The following CSMD3 variants were observed in gnomAD, a reference collection of about 807,000 sequenced individuals.
The protein encoded by CSMD3 is CUB and sushi domain-containing protein 3.
A neutral mutation model predicts 435.2 loss-of-function variants in CSMD3; 177 were observed. The ratio of observed to expected loss-of-function variants is 0.41; its 90% CI spans 0.36 to 0.46. CSMD3 has a LOEUF of 0.46. Among genes scored for constraint, CSMD3 ranks in the 20% least tolerant of loss-of-function variants. The probability of loss-of-function intolerance (pLI) is 0.34; values close to 1 mark genes in which losing one functional copy is unlikely to be tolerated. For synonymous variants in CSMD3, 1,656 were observed against 1,520.5 expected, an observed-to-expected ratio of 1.09 and a Z score of -2.07; for missense variants, 4,265 against 4,504.6, an observed-to-expected ratio of 0.95 and a Z score of 1.52.
At chr8:113,268,633 G>A (rs890762447) in intron 3 of CSMD3, among the ~76,000 whole-genome samples, 1 of 151,942 alleles carries the variant, frequency 6.6e-6, no homozygotes, top group African/African-American at 2.4e-5. Context: ...TTAAGAAACA[G>A]GAATATCAAC....
At chr8:112,299,398 G>C (rs1367267040) in intron 53 of CSMD3, among the ~76,000 whole-genome samples, 1 of 152,006 alleles carries the variant, frequency 6.6e-6, no homozygotes, top group African/African-American at 2.4e-5. Context: ...CTGAACTCTA[G>C]CTAATGGTAT....
At position 112,859,159 on chromosome 8, in the gene CSMD3, C is replaced by T. The variant is rs749685097; in HGVS notation, c.1741G>A (p.Val581Met). The T allele has an allele frequency of 6.2e-7, 1 of 1,610,940 alleles. No individual in the cohort carries two copies. Among genetic ancestry groups the T allele is most frequent in the African/African-American group, 1.3e-5 (1 of 74,868 alleles). The change falls in exon 11 of 71, where the codon GTG becomes ATG. Residue 581 changes from valine (V) to methionine (M), a missense_variant. Val to Met is a conservative substitution (Grantham distance 21). Coordinates refer to ENST00000297405, the MANE Select transcript of CSMD3 (RefSeq NM_198123.2). The part of the protein sequence containing the change: ...NAQCVWVITA[V>M]NTNKVIQINF... ...TGTTCTCTTACCTTATTTGTATTCA[C>T]TGCTGTGATGACCCAGACACATTGT...
At chr8:113,162,912 T>G (rs1049995633) in intron 4 of CSMD3, among the ~76,000 whole-genome samples, 4 of 152,158 alleles carry the variant, frequency 2.6e-5, no homozygotes, top group African/African-American at 7.2e-5. Flanking sequence ...GTTAAAATTT[T>G]CAGATGCCTT....
At chr8:112,336,574 A>T in intron 44 of CSMD3, 78 bp downstream of exon 44, 3 of 1,086,234 alleles carry the variant, frequency 2.8e-6, no homozygotes, top group Non-Finnish European at 4.2e-6. Context: ...GTAACAGAGG[A>T]TTGTGATATA....
At chr8:112,383,809 T>G in intron 36 of CSMD3, 146 bp from the exon 37 acceptor site, 1 of 670,962 alleles carries the variant, frequency 1.5e-6, no homozygotes, top group Non-Finnish European at 2.7e-6. Flanking sequence ...ACAGAACTGA[T>G]TTTTTCCATT....
intron 13 of CSMD3, among the ~76,000 whole-genome samples, chr8:112,731,697 T>C (rs1037537215): frequency 6.6e-6 from 1 of 152,080 alleles, no homozygotes; most frequent in African/African-American, 2.4e-5. Flanking sequence ...GATATGTGAT[T>C]TTCCCAGGAG....
At chr8:112,305,421 T>A (rs1821330325) in intron 51 of CSMD3, among the ~76,000 whole-genome samples, 1 of 152,050 alleles carries the variant, frequency 6.6e-6, no homozygotes, top group Non-Finnish European at 1.5e-5. Flanking sequence ...GAAAAAATAA[T>A]CGAAATATAG....
chr8:112,352,611 A>T, intron 38 of CSMD3, 77 bp from the exon 39 acceptor site: 3 of 1,274,454 alleles, frequency 2.4e-6, no homozygotes, highest in Non-Finnish European at 3.4e-6. Flanking sequence ...AAGTTGCTAA[A>T]ATTGAATATC....
intron 10 of CSMD3, among the ~76,000 whole-genome samples, chr8:112,889,087 C>T (rs2081701124): frequency 6.6e-6 from 1 of 151,606 alleles, no homozygotes; most frequent in Non-Finnish European, 1.5e-5. Flanking sequence ...ATATTGTATT[C>T]TCTAATGGGA....
intron 41 of CSMD3, among the ~76,000 whole-genome samples, chr8:112,342,859 C>A (rs529972470): frequency 6.6e-6 from 1 of 150,876 alleles, no homozygotes; most frequent in Admixed American, 6.6e-5. Flanking sequence ...ATGTGAAGAC[C>A]GAAGATATGC....
At chr8:112,880,117 A>G (rs890075019) in intron 10 of CSMD3, among the ~76,000 whole-genome samples, 23 of 152,120 alleles carry the variant, frequency 1.5e-4, no homozygotes, top group African/African-American at 5.6e-4. Context: ...GCTTAAGTTA[A>G]CAATTTAATG....
At chr8:112,695,018 A>G (rs2076221807) in intron 13 of CSMD3, among the ~76,000 whole-genome samples, 1 of 152,036 alleles carries the variant, frequency 6.6e-6, no homozygotes, top group Non-Finnish European at 1.5e-5. Flanking sequence ...AGGAAGCACA[A>G]GGGGTCAGGG....
intron 8 of CSMD3, among the ~76,000 whole-genome samples, chr8:112,952,035 A>C (rs1236033326): frequency 6.6e-6 from 1 of 151,730 alleles, no homozygotes; most frequent in Non-Finnish European, 1.5e-5. Flanking sequence ...ACATTTTAAA[A>C]ATATAAAACC....
intron 5 of CSMD3, among the ~76,000 whole-genome samples, chr8:113,091,791 T>C (rs528330439): frequency 1.3e-5 from 2 of 152,164 alleles, no homozygotes; most frequent in African/African-American, 4.8e-5. Context: ...TTATTTCTGC[T>C]CTTATCTTTA....
chr8:112,306,672 T>G (rs1274524043), intron 50 of CSMD3, among the ~76,000 whole-genome samples: 13 of 152,192 alleles, frequency 8.5e-5, no homozygotes, highest in Non-Finnish European at 1.5e-5. Context: ...ACCTGAAAGC[T>G]GGCTATTTCT....
intron 31 of CSMD3, among the ~76,000 whole-genome samples, chr8:112,476,589 TGG>T (rs1297670386): frequency 1.3e-5 from 2 of 152,140 alleles, no homozygotes; most frequent in African/African-American, 2.4e-5. Context: ...TTCTAAAATG[TGG>T]GGGTTTTTTG....
Position 113,070,875 on chromosome 8 carries a change from C to A in CSMD3, c.917+27881G>T, listed in dbSNP as rs113934840. ...CTGGATCATATAGTAATTCTACTTA[C>A]AATTTTTTGAGGAACCTCCATACTA... is the stretch of plus-strand genomic sequence containing the variant. On this transcript the variant is annotated intron_variant, in intron 5 of 70. Coordinates refer to ENST00000297405, the MANE Select transcript of CSMD3 (RefSeq NM_198123.2). Among the ~76,000 whole-genome samples the A allele has an allele frequency of 1.0e-2, 1,515 of 152,090 alleles. 37 individuals carry two copies. Among genetic ancestry groups the A allele is most frequent in the African/African-American group, 0.035 (1,439 of 41,514 alleles).
In CSMD3 at chr8:112,973,124, G is replaced by T. The variant is rs183367387; in HGVS notation, c.1342+2713C>A. 3.3e-3 allele frequency among the ~76,000 whole-genome samples: 499 copies of T among 152,006 alleles called. 2 individuals carry two copies. The highest frequency in any genetic ancestry group is 0.02 in the Middle Eastern group (6 of 294). ...AAAAAGTCAGATCATGCAGTTTCCC[G>T]TGGGTCATCACCAAGTCTCTGCTTT... On this transcript the variant is annotated intron_variant, in intron 7 of 70. Transcript: ENST00000297405.
Position 112,504,066 on chromosome 8 carries a change from C to A in CSMD3, c.4896-89G>T, listed in dbSNP as rs1822263288. 3.8e-6 allele frequency: 3 copies of A among 798,688 alleles called. No homozygotes were observed. The East Asian group carries it at 8.2e-5, about 22-fold the overall frequency. 49.5% of individuals were successfully genotyped at this position (798,688 alleles called of 1,614,324 possible). On this transcript the variant is annotated intron_variant, in intron 29 of 70. Coordinates refer to ENST00000297405, the MANE Select transcript of CSMD3 (RefSeq NM_198123.2). ...TAACCATAATAGTTATATAATCAAACATTAATTCAGTGCTTAAAAATAATA... is the reference window on the plus strand; with the variant it reads ...TAACCATAATAGTTATATAATCAAAAATTAATTCAGTGCTTAAAAATAATA...
Sources: gnomAD v4.1 joint callset for allele counts (sites outside exome capture counted in the v4.1 genomes callset) on GRCh38, gnomAD v4.1.1 for gene constraint, MANE v1.5 for transcripts, NCBI Gene and HGNC (gene_info 2026-07-23, HGNC 2026-07-21) for gene names.